Variants in CTTNBP2 observed in about 807,000 individuals in gnomAD.
CTTNBP2 encodes cortactin binding protein 2, also known as cortactin-binding protein 2.
Under a neutral mutation model 156.9 loss-of-function variants are expected in CTTNBP2, and 108 were observed. That is an observed-to-expected ratio of 0.69 (90% CI 0.59 to 0.81). The LOEUF (loss-of-function observed/expected upper bound fraction) is 0.81. Ranked by LOEUF, CTTNBP2 falls within the 30% of genes least tolerant of loss-of-function variation. CTTNBP2 has a pLI of 0.00. For missense variants in CTTNBP2, 1,924 were observed against 2,035.4 expected, an observed-to-expected ratio of 0.95 and a Z score of 1.05; for synonymous variants, 767 against 751.8, an observed-to-expected ratio of 1.02 and a Z score of -0.33.
At chr7:117,724,468 T>C in intron 19 of CTTNBP2, 79 bp downstream of exon 19, 1 of 1,219,030 alleles carries the variant, frequency 8.2e-7, no homozygotes, top group Middle Eastern at 2.9e-4. Context: ...GTGATAAAAA[T>C]GAAAGCATAT....
chr7:117,801,586 AATTTCCTC>A (rs1377906058), intron 3 of CTTNBP2, among the ~76,000 whole-genome samples: 1 of 152,220 alleles, frequency 6.6e-6, no homozygotes, highest in Non-Finnish European at 1.5e-5. Flanking sequence ...TTCAATTATA[AATTTCCTC>A]ATTTTAAAAA....
intron 16 of CTTNBP2, among the ~76,000 whole-genome samples, chr7:117,731,993 A>C (rs1795428486): frequency 6.6e-6 from 1 of 152,224 alleles, no homozygotes; most frequent in Admixed American, 6.5e-5. Context: ...TGTTCAAAAA[A>C]GTTTTTTTAA....
At chr7:117,816,215 C>G (rs1029625399) in intron 2 of CTTNBP2, among the ~76,000 whole-genome samples, 1 of 152,118 alleles carries the variant, frequency 6.6e-6, no homozygotes, top group Non-Finnish European at 1.5e-5. Context: ...GCTGGGATCC[C>G]AGGAAGGATT....
In CTTNBP2 at chr7:117,828,434, G is replaced by A. The variant is rs552842087; in HGVS notation, c.190-17445C>T. Among the ~76,000 whole-genome samples the A allele has an allele frequency of 8.5e-5, 13 of 152,326 alleles. No homozygotes were observed. In the East Asian group the frequency reaches 2.5e-3, roughly 29 times the overall value. On this transcript the variant is annotated intron_variant, in intron 2 of 22. Transcript: ENST00000160373. ...TACAGGGACCTAGGCAAAAGGTGAAGGGAAGAGCTGGTCTTGCTTAAAGGG... is the reference window on the plus strand; with the variant it reads ...TACAGGGACCTAGGCAAAAGGTGAAAGGAAGAGCTGGTCTTGCTTAAAGGG...
intron 14 of CTTNBP2, among the ~76,000 whole-genome samples, chr7:117,744,215 T>C (rs972361757): frequency 6.6e-5 from 10 of 152,214 alleles, no homozygotes; most frequent in Non-Finnish European, 1.5e-4. Flanking sequence ...ATTAAGTTAT[T>C]ACTGACTATA....
chr7:117,847,523 A>T (rs1194829032), intron 2 of CTTNBP2, among the ~76,000 whole-genome samples: 9 of 152,254 alleles, frequency 5.9e-5, no homozygotes, highest in Non-Finnish European at 2.9e-5. Context: ...CAACAGAGCA[A>T]GACTCCAAAG....
At chr7:117,838,573 A>G (rs1201322631) in intron 2 of CTTNBP2, among the ~76,000 whole-genome samples, 2 of 152,168 alleles carry the variant, frequency 1.3e-5, no homozygotes, top group Non-Finnish European at 2.9e-5. Flanking sequence ...TGTAAAAACT[A>G]CCTCAGATAT....
chr7:117,819,012 C>T (rs1203614209), intron 2 of CTTNBP2, among the ~76,000 whole-genome samples: 2 of 152,158 alleles, frequency 1.3e-5, no homozygotes, highest in Non-Finnish European at 2.9e-5. Context: ...CAGGAAGGTC[C>T]TTGGCTTCTA....
At chr7:117,812,914 C>T (rs1055168758) in intron 2 of CTTNBP2, among the ~76,000 whole-genome samples, 2 of 152,256 alleles carry the variant, frequency 1.3e-5, no homozygotes, top group African/African-American at 2.4e-5. Flanking sequence ...TTCGGTGGTA[C>T]GGCAGCTTCC....
In CTTNBP2 at chr7:117,711,621, T is replaced by C. The variant is rs1479837051; in HGVS notation, c.4908A>G (p.Thr1636=). ...NTKRSSSSSN[T]RQIEINNNSK... ...AGTTGTTGTTGATTTCTATTTGCCTTGTATTACTGCTGCTGCTGCTTCTTT... is the reference window on the plus strand; with the variant it reads ...AGTTGTTGTTGATTTCTATTTGCCTCGTATTACTGCTGCTGCTGCTTCTTT... The change falls in exon 23 of 23, where the codon ACA becomes ACG. Residue 1636 remains threonine, a synonymous_variant. Coordinates refer to ENST00000160373, the MANE Select transcript of CTTNBP2 (RefSeq NM_033427.3). 7 of 1,614,070 alleles carry C rather than the reference T, an allele frequency of 4.3e-6. No individual in the cohort carries two copies. Among genetic ancestry groups the C allele is most frequent in the Non-Finnish European group, 5.9e-6 (7 of 1,179,940 alleles).
chr7:117,722,813 C>G (rs2116400088), intron 19 of CTTNBP2, among the ~76,000 whole-genome samples: 1 of 152,248 alleles, frequency 6.6e-6, no homozygotes, highest in Middle Eastern at 3.4e-3. Flanking sequence ...CTAATAAGAT[C>G]AGGGTGTTGT....
intron 4 of CTTNBP2, among the ~76,000 whole-genome samples, chr7:117,785,360 A>T (rs1019704840): frequency 6.6e-6 from 1 of 152,258 alleles, no homozygotes; most frequent in Non-Finnish European, 1.5e-5. Context: ...ACAGTAAAGT[A>T]AAAAATGTTC....
chr7:117,758,012 G>T, intron 10 of CTTNBP2, 42 bp from the exon 11 acceptor site: 2 of 1,475,106 alleles, frequency 1.4e-6, no homozygotes, highest in Non-Finnish European at 1.9e-6. Context: ...GGAAGCTTAT[G>T]AGTGGTTTTT....
intron 17 of CTTNBP2, 73 bp downstream of exon 17, chr7:117,728,016 A>C: frequency 7.5e-5 from 87 of 1,159,454 alleles, no homozygotes; most frequent in Non-Finnish European, 1.0e-4. Flanking sequence ...CCTGGTCAGC[A>C]TTCTCACCCT....
intron 9 of CTTNBP2, among the ~76,000 whole-genome samples, chr7:117,765,192 T>C (rs1462800473): frequency 6.6e-6 from 1 of 152,154 alleles, no homozygotes; most frequent in Non-Finnish European, 1.5e-5. Context: ...CACCTCAGCC[T>C]CCCAAAGTGC....
chr7:117,864,717 CATATA>C (rs1190802141), intron 1 of CTTNBP2, among the ~76,000 whole-genome samples: 9 of 113,800 alleles, frequency 7.9e-5, no homozygotes, highest in Non-Finnish European at 1.4e-4. Flanking sequence ...CATATATATT[CATATA>C]TACATATATT....
chr7:117,868,292 G>C (rs542191952), intron 1 of CTTNBP2, among the ~76,000 whole-genome samples: 4 of 152,336 alleles, frequency 2.6e-5, no homozygotes, highest in African/African-American at 7.2e-5. Flanking sequence ...AAATGAAAAG[G>C]CTGGGCCAGA....
At chr7:117,838,614 T>C (rs541159196) in intron 2 of CTTNBP2, among the ~76,000 whole-genome samples, 2 of 152,286 alleles carry the variant, frequency 1.3e-5, no homozygotes, top group South Asian at 4.1e-4. Context: ...AATTCAGTCA[T>C]TTTAACAACT....
intron 14 of CTTNBP2, among the ~76,000 whole-genome samples, chr7:117,742,911 A>G (rs1211229786): frequency 6.6e-6 from 1 of 152,260 alleles, no homozygotes. Context: ...TGGTTCTGAA[A>G]GCTGCTGCCC....
Sources: gnomAD v4.1 joint callset for allele counts (sites outside exome capture counted in the v4.1 genomes callset) on GRCh38, gnomAD v4.1.1 for gene constraint, MANE v1.5 for transcripts, NCBI Gene and HGNC (gene_info 2026-07-23, HGNC 2026-07-21) for gene names.